Variants in SCHIP1 observed in about 807,000 individuals in gnomAD.
SCHIP1 encodes the protein schwannomin interacting protein 1.
A neutral mutation model predicts 29.7 loss-of-function variants in SCHIP1; 8 were observed. The observed-to-expected ratio is 0.27, with a 90% confidence interval of 0.16 to 0.49. The LOEUF (loss-of-function observed/expected upper bound fraction) is 0.49, where lower values mean the gene tolerates loss of function less well. Among genes scored for constraint, SCHIP1 ranks in the 20% least tolerant of loss-of-function variants. The pLI is 0.99. For missense variants in SCHIP1, 193 were observed against 294.6 expected (o/e 0.66, Z 2.52); for synonymous variants, 76 against 94.9 (o/e 0.80, Z 1.16).
At chr3:159,745,919 A>G in the SCHIP1 span, among the ~76,000 whole-genome samples, 1 of 152,142 alleles carries the variant, frequency 6.6e-6, no homozygotes, top group Non-Finnish European at 1.5e-5. Flanking sequence ...ATCATATCCT[A>G]TGACTCTGAT....
the SCHIP1 span, among the ~76,000 whole-genome samples, chr3:159,572,924 G>T: frequency 1.4e-5 from 2 of 143,628 alleles, no homozygotes; most frequent in South Asian, 2.2e-4. Context: ...GACTAGGATT[G>T]CAACCTCTGG....
chr3:159,603,749 G>A, the SCHIP1 span, among the ~76,000 whole-genome samples: 2 of 152,034 alleles, frequency 1.3e-5, no homozygotes, highest in Non-Finnish European at 2.9e-5. Context: ...GAATACCTAG[G>A]ATTGGGTAAT....
chr3:159,574,170 A>G, the SCHIP1 span, among the ~76,000 whole-genome samples: 5 of 152,300 alleles, frequency 3.3e-5, no homozygotes, highest in South Asian at 8.3e-4. Flanking sequence ...AGGAGCTGCA[A>G]TCCTTTGGAG....
At chr3:159,474,445 G>T in the SCHIP1 span, among the ~76,000 whole-genome samples, 1 of 152,080 alleles carries the variant, frequency 6.6e-6, no homozygotes, top group Non-Finnish European at 1.5e-5. Context: ...GCAATTTTAA[G>T]GTCCTGATTA....
chr3:159,670,278 TCTCA>T, the SCHIP1 span, among the ~76,000 whole-genome samples: 2 of 152,210 alleles, frequency 1.3e-5, no homozygotes, highest in Admixed American at 1.3e-4. Flanking sequence ...AATGGCTTCT[TCTCA>T]CTAATGTTCA....
chr3:159,527,327 G>A, the SCHIP1 span, among the ~76,000 whole-genome samples: 2 of 152,134 alleles, frequency 1.3e-5, no homozygotes, highest in Admixed American at 6.5e-5. Context: ...TGGAAAAACA[G>A]GGCCTCTGTC....
the SCHIP1 span, among the ~76,000 whole-genome samples, chr3:159,595,286 G>A: frequency 6.6e-6 from 1 of 152,150 alleles, no homozygotes. Flanking sequence ...TGGAGCAGGA[G>A]GGCCTATTTA....
the SCHIP1 span, among the ~76,000 whole-genome samples, chr3:159,291,766 A>G: frequency 1.4e-4 from 22 of 152,204 alleles, no homozygotes; most frequent in African/African-American, 5.1e-4. Context: ...ACTATAGGAA[A>G]TATGGCAGGT....
intron 6 of SCHIP1, among the ~76,000 whole-genome samples, chr3:159,895,531 C>A (rs1318396187): frequency 6.6e-6 from 1 of 152,138 alleles, no homozygotes; most frequent in Non-Finnish European, 1.5e-5. Flanking sequence ...CCTTCAAACC[C>A]CATCATTCTC....
chr3:159,880,214 C>T (rs371811948), intron 2 of SCHIP1, among the ~76,000 whole-genome samples: 1 of 152,116 alleles, frequency 6.6e-6, no homozygotes, highest in Non-Finnish European at 1.5e-5. Context: ...GGAAACTACC[C>T]ATAACTTCTC....
chr3:159,418,135 T>C, the SCHIP1 span, among the ~76,000 whole-genome samples: 12 of 152,298 alleles, frequency 7.9e-5, 1 homozygote, highest in Non-Finnish European at 1.6e-4. Context: ...TCTTAGAGCT[T>C]TTCCCATATT....
At chr3:159,602,979 A>G in the SCHIP1 span, among the ~76,000 whole-genome samples, 3 of 152,276 alleles carry the variant, frequency 2.0e-5, no homozygotes, top group African/African-American at 4.8e-5. Context: ...GCTCAATGCC[A>G]TAAGATTGTC....
At chr3:159,848,726 A>G (rs1196681228) in intron 1 of SCHIP1, among the ~76,000 whole-genome samples, 1 of 151,978 alleles carries the variant, frequency 6.6e-6, no homozygotes, top group African/African-American at 2.4e-5. Flanking sequence ...GAGGGCTTAC[A>G]TTTCTAGAAA....
At chr3:159,508,948 A>T in the SCHIP1 span, among the ~76,000 whole-genome samples, 1 of 152,308 alleles carries the variant, frequency 6.6e-6, no homozygotes, top group Non-Finnish European at 1.5e-5. Flanking sequence ...TATTCTGTTG[A>T]TTTGGGGTGG....
the SCHIP1 span, among the ~76,000 whole-genome samples, chr3:159,497,290 C>A: frequency 6.6e-6 from 1 of 151,704 alleles, no homozygotes; most frequent in Non-Finnish European, 1.5e-5. Context: ...AAGGTGAGTG[C>A]ATGCTAACTC....
chr3:159,574,892 G>T, the SCHIP1 span, among the ~76,000 whole-genome samples: 2 of 152,208 alleles, frequency 1.3e-5, no homozygotes, highest in Non-Finnish European at 2.9e-5. Flanking sequence ...AGGCTCTGTG[G>T]GCATGGGACC....
the SCHIP1 span, among the ~76,000 whole-genome samples, chr3:159,707,521 G>C: frequency 2.0e-5 from 3 of 152,262 alleles, no homozygotes; most frequent in Middle Eastern, 3.4e-3. Context: ...ACAATGACAA[G>C]TTATTTATTG....
the SCHIP1 span, among the ~76,000 whole-genome samples, chr3:159,396,706 G>A: frequency 6.6e-6 from 1 of 152,246 alleles, no homozygotes; most frequent in East Asian, 1.9e-4. Flanking sequence ...AGTCTGATGG[G>A]CTTCCCTTTG....
the SCHIP1 span, among the ~76,000 whole-genome samples, chr3:159,288,538 G>A: frequency 1.3e-5 from 2 of 152,144 alleles, no homozygotes; most frequent in Non-Finnish European, 2.9e-5. Flanking sequence ...GGGAGCTCGA[G>A]ATCAGCCTGA....
Sources: gnomAD v4.1 joint callset for allele counts (sites outside exome capture counted in the v4.1 genomes callset) on GRCh38, gnomAD v4.1.1 for gene constraint, MANE v1.5 for transcripts, NCBI Gene and HGNC (gene_info 2026-07-23, HGNC 2026-07-21) for gene names.